NDST4: variants seen among roughly 807,000 people sequenced by gnomAD.
The protein encoded by NDST4 is N-deacetylase and N-sulfotransferase 4, also known as N-heparan sulfate sulfotransferase 4.
In NDST4, 63 loss-of-function variants were observed where a neutral mutation model predicts 100.8. The observed-to-expected ratio is 0.62, with a 90% CI of 0.51 to 0.77. NDST4 has a LOEUF of 0.77. Among genes scored for constraint, NDST4 ranks in the 30% least tolerant of loss-of-function variants. The pLI is 0.00. For missense variants in NDST4, 943 were observed against 1,018.4 expected (o/e 0.93, Z 1.01); for synonymous variants, 377 against 361.8 (o/e 1.04, Z -0.48).
rs751580358 is a variant in NDST4 at position 114,883,375 on chromosome 4, C to G, written c.1537-12425G>C. On this transcript the variant is annotated intron_variant, in intron 6 of 13. Transcript: ENST00000264363. ...ACAGCACTACCTGGGAAATAGTATA[C>G]TGTTATTTTAAAGTTGTCTATGTTA... is the stretch of plus-strand genomic sequence containing the variant. Among the ~76,000 whole-genome samples, 67 of 152,042 alleles carry G rather than the reference C, an allele frequency of 4.4e-4. 1 individual carries two copies. The highest frequency in any genetic ancestry group is 8.7e-4 in the Non-Finnish European group (59 of 67,938).
At position 115,077,058 on chromosome 4, in the gene NDST4, A is replaced by G. The variant is rs201996663; in HGVS notation, c.-22T>C. The G allele has an allele frequency of 6.4e-7, 1 of 1,562,324 alleles. No homozygotes were observed. Among genetic ancestry groups the G allele is most frequent in the South Asian group, 1.2e-5 (1 of 81,940 alleles). On this transcript the variant is annotated 5_prime_UTR_variant, in exon 2 of 14. Transcript: ENST00000264363. Reference sequence around the variant, plus strand: ...TCATTTTTTAGAATAATGTTTTGGAAGCTTTTTCCCAATTTCGTTTCCTAA... The same window carrying G: ...TCATTTTTTAGAATAATGTTTTGGAGGCTTTTTCCCAATTTCGTTTCCTAA...
At chr4:114,880,763 T>C (rs1056453807) in intron 6 of NDST4, among the ~76,000 whole-genome samples, 9 of 152,182 alleles carry the variant, frequency 5.9e-5, no homozygotes, top group African/African-American at 2.2e-4. Flanking sequence ...CAGATTATGA[T>C]ACAATGTGAA....
chr4:114,866,105 T>C (rs188630270), intron 7 of NDST4, among the ~76,000 whole-genome samples: 1 of 152,318 alleles, frequency 6.6e-6, no homozygotes, highest in East Asian at 1.9e-4. Context: ...ATGAAAGAAT[T>C]AAAGTGAAAA....
chr4:114,862,206 C>T (rs1180744825), intron 7 of NDST4, among the ~76,000 whole-genome samples: 1 of 152,238 alleles, frequency 6.6e-6, no homozygotes, highest in Non-Finnish European at 1.5e-5. Context: ...ATTGTATAGA[C>T]ATTTAGCATC....
chr4:115,011,228 C>T (rs777960848), intron 2 of NDST4, among the ~76,000 whole-genome samples: 16 of 152,020 alleles, frequency 1.1e-4, no homozygotes, highest in Admixed American at 6.6e-4. Flanking sequence ...TGAATGGTTT[C>T]TATTCATCTG....
chr4:114,829,297 C>T (rs191827704), intron 13 of NDST4, among the ~76,000 whole-genome samples: 145 of 152,064 alleles, frequency 9.5e-4, no homozygotes, highest in African/African-American at 3.1e-3. Context: ...CATTGTTTTA[C>T]GTTTTTATGT....
intron 1 of NDST4, among the ~76,000 whole-genome samples, chr4:115,095,019 C>T (rs1456272776): frequency 6.6e-6 from 1 of 152,132 alleles, no homozygotes; most frequent in African/African-American, 2.4e-5. Context: ...TTTAAAAATT[C>T]ATCAAGGCTC....
intron 1 of NDST4, among the ~76,000 whole-genome samples, chr4:115,080,580 A>G (rs1729280060): frequency 1.3e-5 from 2 of 152,182 alleles, no homozygotes; most frequent in African/African-American, 4.8e-5. Flanking sequence ...TGAAATATAT[A>G]AAGCAATTAT....
At chr4:114,843,990 C>T (rs1723490571) in intron 10 of NDST4, among the ~76,000 whole-genome samples, 1 of 150,596 alleles carries the variant, frequency 6.6e-6, no homozygotes, top group Non-Finnish European at 1.5e-5. Flanking sequence ...CACCCCACCC[C>T]AACCCTCCTG....
At chr4:115,012,935 G>A (rs1165948648) in intron 2 of NDST4, among the ~76,000 whole-genome samples, 3 of 151,900 alleles carry the variant, frequency 2.0e-5, no homozygotes, top group African/African-American at 7.2e-5. Context: ...ATTGTGATAA[G>A]TGAAGTAAGC....
intron 7 of NDST4, among the ~76,000 whole-genome samples, chr4:114,862,775 A>G (rs1282424415): frequency 2.6e-5 from 4 of 152,040 alleles, no homozygotes; most frequent in Non-Finnish European, 5.9e-5. Context: ...TTTTTGGGGG[A>G]AGAGGATGAC....
At chr4:114,981,361 G>A (rs1031118496) in intron 2 of NDST4, among the ~76,000 whole-genome samples, 1 of 152,080 alleles carries the variant, frequency 6.6e-6, no homozygotes, top group South Asian at 2.1e-4. Context: ...TTTATTATGT[G>A]TACAATTTTC....
chr4:114,849,050 AAAG>A (rs1293539059), intron 8 of NDST4, among the ~76,000 whole-genome samples: 3 of 152,336 alleles, frequency 2.0e-5, no homozygotes, highest in South Asian at 2.1e-4. Context: ...AGCAAGGTTG[AAAG>A]AAGAAGGCAG....
chr4:114,983,730 A>T (rs1177983677), intron 2 of NDST4, among the ~76,000 whole-genome samples: 1 of 152,158 alleles, frequency 6.6e-6, no homozygotes, highest in African/African-American at 2.4e-5. Flanking sequence ...TGTGAGAAGG[A>T]TATGAGATTT....
intron 2 of NDST4, among the ~76,000 whole-genome samples, chr4:114,989,042 CTTG>C (rs1443837388): frequency 2.5e-5 from 3 of 117,654 alleles, no homozygotes; most frequent in Non-Finnish European, 4.4e-5. Flanking sequence ...CCTGTGATAT[CTTG>C]TTGTCACCTC....
At chr4:114,929,089 C>G (rs6848946) in intron 6 of NDST4, among the ~76,000 whole-genome samples, 2 of 111,954 alleles carry the variant, frequency 1.8e-5, no homozygotes, top group Non-Finnish European at 4.0e-5. Flanking sequence ...TCCATCCATC[C>G]ATCCATCCAT....
intron 2 of NDST4, among the ~76,000 whole-genome samples, chr4:115,028,055 C>T (rs868738656): frequency 4.7e-5 from 7 of 148,724 alleles, no homozygotes; most frequent in Non-Finnish European, 7.4e-5. Context: ...AGTAAAACTC[C>T]GTCTAAAAAA....
At chr4:115,023,579 A>G (rs755448292) in intron 2 of NDST4, among the ~76,000 whole-genome samples, 15 of 152,040 alleles carry the variant, frequency 9.9e-5, no homozygotes, top group Non-Finnish European at 8.8e-5. Context: ...AATCACATAC[A>G]GTAAGATGCA....
At chr4:115,053,894 A>G (rs2126280115) in intron 2 of NDST4, among the ~76,000 whole-genome samples, 1 of 152,210 alleles carries the variant, frequency 6.6e-6, no homozygotes. Context: ...TAAGAAATGT[A>G]TCTAAAAATC....
Sources: gnomAD v4.1 joint callset for allele counts (sites outside exome capture counted in the v4.1 genomes callset) on GRCh38, gnomAD v4.1.1 for gene constraint, MANE v1.5 for transcripts, NCBI Gene and HGNC (gene_info 2026-07-23, HGNC 2026-07-21) for gene names.